The following KIF12 variants were observed in gnomAD, a reference collection of about 807,000 sequenced individuals.
The protein encoded by KIF12 is kinesin family member 12.
A neutral mutation model predicts 87.9 loss-of-function variants in KIF12; 80 were observed. The observed-to-expected ratio is 0.91, with a 90% confidence interval of 0.76 to 1.10. The LOEUF is 1.10. Among genes scored for constraint, KIF12 ranks in the 50% least tolerant of loss-of-function variants. The probability of loss-of-function intolerance (pLI) is 0.00; values close to 1 mark genes in which losing one functional copy is unlikely to be tolerated. For missense variants in KIF12, 819 were observed against 865.3 expected, an observed-to-expected ratio of 0.95 and a Z score of 0.67; for synonymous variants, 353 against 348.5, an observed-to-expected ratio of 1.01 and a Z score of -0.14.
Position 114,097,248 on chromosome 9 carries a change from C to A in KIF12, c.646+53G>T, listed in dbSNP as rs545174966. ...GGGCCCCAAGTCCACACTCAGTGAA[C>A]AACTGAGGAATGGGCACCCCTACCC... On this transcript the variant is annotated intron_variant, in intron 7 of 18. Transcript: ENST00000640217. 9.6e-5 allele frequency: 152 copies of A among 1,582,944 alleles called. No homozygotes were observed. The African/African-American group carries it at 1.9e-3, about 20-fold the overall frequency.
chr9:114,094,057 C>T, intron 13 of KIF12, 85 bp from the exon 14 acceptor site: 1 of 1,452,902 alleles, frequency 6.9e-7, no homozygotes, highest in East Asian at 2.3e-5. Context: ...CAGCATAGCA[C>T]CAGTTCAGGA....
rs1847120150 is a variant in KIF12, at chr9:114,094,351, A to T, written c.1222+2T>A. 2 of 1,612,742 alleles carry T rather than the reference A, an allele frequency of 1.2e-6. No homozygotes were observed. The highest frequency in any genetic ancestry group is 1.7e-6 in the Non-Finnish European group (2 of 1,179,048). On this transcript the variant is annotated splice_donor_variant, in intron 12 of 18. Coordinates refer to ENST00000640217, the MANE Select transcript of KIF12 (RefSeq NM_001388308.1). LOFTEE classifies it high-confidence loss of function. ...CCTACTCTGCCTCCAGGAAGCCCAT[A>T]CCCTTGCAGTCCATTTGGTCCAGCT...
Position 114,098,472 on chromosome 9 carries a change from G to GCGGGGCACTCTGGAGGAGGA in KIF12, c.172-44_172-43insTCCTCCTCCAGAGTGCCCCG. The GCGGGGCACTCTGGAGGAGGA allele has an allele frequency of 1.4e-6, 2 of 1,446,692 alleles. 1 individual carries two copies. The highest frequency in any genetic ancestry group is 2.8e-5 in the South Asian group (2 of 72,468). The allele number at this position is 1,446,692 out of a possible 1,614,324, so 89.6% of individuals were successfully genotyped here. On this transcript the variant is annotated intron_variant, in intron 3 of 18. Transcript: ENST00000640217. ...GAGGAGCGGGGCACTCTGGAGGAGGGCGGGGCACCCTGGAGGGGCGGGGCA... is the reference window on the plus strand; with the variant it reads ...GAGGAGCGGGGCACTCTGGAGGAGGGCGGGGCACTCTGGAGGAGGACGGGGCACCCTGGAGGGGCGGGGCA...
rs1320795689 is a variant in KIF12 at position 114,097,511 on chromosome 9, G to A, written c.511-75C>T. 2.5e-6 allele frequency: 4 copies of A among 1,583,628 alleles called. No homozygotes were observed. The African/African-American group carries it at 5.4e-5, about 21-fold the overall frequency. On this transcript the variant is annotated intron_variant, in intron 6 of 18. Coordinates refer to ENST00000640217, the MANE Select transcript of KIF12 (RefSeq NM_001388308.1). The stretch of plus-strand genomic sequence containing the variant: ...CCATCCCCAGATCTTACTGACAACA[G>A]TCCCCACCGCCTCTTCTGTCCTTTG...
chr9:114,097,208 C>G, intron 7 of KIF12, 93 bp downstream of exon 7: 1 of 1,471,372 alleles, frequency 6.8e-7, no homozygotes, highest in South Asian at 1.4e-5. Context: ...ATTTCTGAAG[C>G]TGCAGCTGCA....
Position 114,097,446 on chromosome 9 carries a change from G to A in KIF12, c.511-10C>T, listed in dbSNP as rs370204060. On this transcript the variant is annotated splice_polypyrimidine_tract_variant and intron_variant, in intron 6 of 18. Coordinates refer to ENST00000640217, the MANE Select transcript of KIF12 (RefSeq NM_001388308.1). ...TCAGCAAGTCCCGAACCTGGGAGGG[G>A]AGGGAGGAGGGTGAGGGAAGGGGAT... 1.9e-5 allele frequency: 30 copies of A among 1,586,696 alleles called. No homozygotes were observed. The African/African-American group carries it at 4.1e-4, about 22-fold the overall frequency.
At position 114,093,462 on chromosome 9, in the gene KIF12, C is replaced by T. The variant is rs1369706513; in HGVS notation, c.1436G>A (p.Gly479Asp). 6.4e-7 allele frequency: 1 copy of T among 1,566,628 alleles called. No homozygotes were observed. The change falls in exon 15 of 19, where the codon GGT (glycine) becomes GAT (aspartate). Residue 479 changes from glycine (G) to aspartate (D), a missense_variant. By Grantham distance (94) the Gly-to-Asp change is moderately conservative (BLOSUM62 -1). Coordinates refer to ENST00000640217, the MANE Select transcript of KIF12 (RefSeq NM_001388308.1). ...LLSACYHHQQ[G>D]PGLTPPCPCL... The stretch of plus-strand genomic sequence containing the variant: ...GGGACACGGTGGGGTCAGGCCAGGA[C>T]CCTGCTGGTGATGGTAGCAGGCAGA...
At position 114,093,515 on chromosome 9, in the gene KIF12, G is replaced by A. The variant is rs1208072629; in HGVS notation, c.1401-18C>T. ...GGAGACGCCTAGAAAGAACAGCAGG[G>A]TCTATGCCTGCAGCCTCCAACCCTA... On this transcript the variant is annotated intron_variant, in intron 14 of 18. Coordinates refer to ENST00000640217, the MANE Select transcript of KIF12 (RefSeq NM_001388308.1). 1 of 1,539,142 alleles carries A rather than the reference G, an allele frequency of 6.5e-7. No homozygotes were observed. The highest frequency in any genetic ancestry group is 8.8e-7 in the Non-Finnish European group (1 of 1,135,760).
chr9:114,096,290 A>G (rs1588505387), intron 8 of KIF12, 83 bp from the exon 9 acceptor site: 2 of 1,601,806 alleles, frequency 1.2e-6, no homozygotes, highest in Non-Finnish European at 1.7e-6. Context: ...AGTTTCCATT[A>G]TTAACCCCCA....
In KIF12 at chr9:114,096,459, G is replaced by A; in HGVS notation, c.666C>T (p.Asn222=). 6.2e-7 allele frequency: 1 copy of A among 1,611,830 alleles called. No individual in the cohort carries two copies. The highest frequency in any genetic ancestry group is 8.5e-7 in the Non-Finnish European group (1 of 1,179,176). The change falls in exon 8 of 19, where the codon AAC becomes AAT. Residue 222 remains asparagine, a synonymous_variant. Transcript: ENST00000640217. The part of the protein sequence containing the change: ...LLQTGLSRRR[N]SAHTLNQASS... ...AGGCCTGGTTCAGGGTGTGGGCTGA[G>A]TTCCTTCGACGGCTGAGACCTGGAA...
rs571265320 is a variant in KIF12, at chr9:114,095,997, G to A, written c.895+54C>T. ...GGTATCCCCCACTGTGGAGAGCTGT[G>A]AGCCAGGCACAGAGGAGAGACAGGA... On this transcript the variant is annotated intron_variant, in intron 9 of 18. Transcript: ENST00000640217. 329 of 1,552,814 alleles carry A rather than the reference G, an allele frequency of 2.1e-4. 2 individuals are homozygous for A. In the African/African-American group the frequency reaches 4.2e-3, roughly 20 times the overall value.
chr9:114,097,263 C>T (rs374017140), intron 7 of KIF12, 38 bp downstream of exon 7: 3 of 1,594,880 alleles, frequency 1.9e-6, no homozygotes, highest in Admixed American at 1.9e-5. Flanking sequence ...GAGGAATGGG[C>T]ACCCCTACCC....
At chr9:114,095,961 A>C in intron 9 of KIF12, 90 bp downstream of exon 9, 1 of 1,406,932 alleles carries the variant, frequency 7.1e-7, no homozygotes, top group East Asian at 2.3e-5. Context: ...TCTATTTACT[A>C]CAACTCCTCT....
rs1368957019 is a variant in KIF12 at position 114,094,194 on chromosome 9, T to C, written c.1300A>G (p.Asn434Asp). The change falls in exon 13 of 19, where the codon AAT becomes GAT. Residue 434 changes from asparagine (N) to aspartate (D), a missense_variant. Physicochemically the swap from Asn to Asp is conservative, Grantham distance 23. Transcript: ENST00000640217. Reference sequence around the variant, plus strand: ...GCTGTGCCCTACCTGAGCCTCTCATTCTCTAGCATGAACTCCTGTAGCATC... The same window carrying C: ...GCTGTGCCCTACCTGAGCCTCTCATCCTCTAGCATGAACTCCTGTAGCATC... Reference protein sequence around the residue: ...YGMLQEFMLENERLRKEKSQL... With the variant: ...YGMLQEFMLEDERLRKEKSQL... 1 of 1,613,634 alleles carries C rather than the reference T, an allele frequency of 6.2e-7. No individual in the cohort carries two copies. The highest frequency in any genetic ancestry group is 1.3e-5 in the African/African-American group (1 of 74,998).
chr9:114,095,749 AACTGCACAAGGG>A (rs1291821249), intron 9 of KIF12, among the ~76,000 whole-genome samples: 4 of 152,284 alleles, frequency 2.6e-5, no homozygotes, highest in Admixed American at 6.5e-5. Context: ...CAGTCTTCCC[AACTGCACAAGGG>A]ACATGCCAAA....
intron 9 of KIF12, 86 bp from the exon 10 acceptor site, chr9:114,095,418 C>A: frequency 1.4e-6 from 2 of 1,425,298 alleles, no homozygotes; most frequent in South Asian, 2.6e-5. Context: ...GGCTCTCCAC[C>A]CAGGCCTGTG....
In KIF12 at chr9:114,098,356, T is replaced by C; in HGVS notation, c.245A>G (p.Glu82Gly). The C allele has an allele frequency of 6.7e-7, 1 of 1,497,972 alleles. No individual in the cohort carries two copies. Among genetic ancestry groups the C allele is most frequent in the Non-Finnish European group, 8.9e-7 (1 of 1,128,394 alleles). The allele number at this position is 1,497,972 out of a possible 1,614,324, so 92.8% of individuals were successfully genotyped here. A position where few individuals can be genotyped will look rare whatever the true frequency, so the allele number is the denominator to read the frequency against. ...GAVLDAARTQ[E>G]DVFRACGVRR... Reference sequence around the variant, plus strand: ...CACGCCGCACGCCCGGAACACGTCCTCCTGCGTGCGCGCCGCGTCTAGCAC... The same window carrying C: ...CACGCCGCACGCCCGGAACACGTCCCCCTGCGTGCGCGCCGCGTCTAGCAC... The change falls in exon 4 of 19, where the codon GAG becomes GGG. Residue 82 changes from glutamate to glycine, a missense_variant. Transcript: ENST00000640217.
In KIF12 at chr9:114,092,386, G is replaced by A. The variant is rs71503587; in HGVS notation, c.1763C>T (p.Pro588Leu). The change falls in exon 18 of 19, where the codon CCT (proline) becomes CTT (leucine). Residue 588 changes from proline to leucine, a missense_variant. By Grantham distance (98) the Pro-to-Leu change is moderately conservative. Coordinates refer to ENST00000640217, the MANE Select transcript of KIF12 (RefSeq NM_001388308.1). ...AEMLTEEEVV[P>L]SAPPLPVRPP... is the part of the protein sequence containing the mutation. ...CCTCACAGGCAGGGGAGGTGCAGAA[G>A]GTACCACCTCCTCCTCCGTCAACAT... 1.9e-6 allele frequency: 3 copies of A among 1,612,046 alleles called. No homozygotes were observed. In the African/African-American group the frequency reaches 4.0e-5, roughly 22 times the overall value.
chr9:114,099,138 C>G lies in KIF12; in HGVS notation c.58G>C (p.Glu20Gln). The G allele has an allele frequency of 1.3e-6, 2 of 1,550,658 alleles. No individual in the cohort carries two copies. The highest frequency in any genetic ancestry group is 1.2e-5 in the South Asian group (1 of 84,054). Residue 20 changes from glutamate (E) to glutamine (Q), a missense_variant, in exon 2 of 19, where the codon GAG becomes CAG. Physicochemically the swap from Glu to Gln is conservative, Grantham distance 29 (BLOSUM62 2). Coordinates refer to ENST00000640217, the MANE Select transcript of KIF12 (RefSeq NM_001388308.1). ...DLARSLEQGP[E>Q]GPETPIQVVL... ...ACCTGGATGGGCGTTTCCGGCCCCTCTGGCCCTTGCTCCAGGCTCCGCGCG... is the reference window on the plus strand; with the variant it reads ...ACCTGGATGGGCGTTTCCGGCCCCTGTGGCCCTTGCTCCAGGCTCCGCGCG...
Sources: allele counts gnomAD v4.1 joint callset (sites outside exome capture counted in the v4.1 genomes callset), GRCh38; gene constraint gnomAD v4.1.1; transcripts MANE v1.5; gene names NCBI Gene and HGNC (gene_info 2026-07-23, HGNC 2026-07-21).